Variants in DGKI observed in about 807,000 individuals in gnomAD.
DGKI encodes the protein diacylglycerol kinase iota.
Under a neutral mutation model 147.5 loss-of-function variants are expected in DGKI, and 55 were observed. That is an observed-to-expected ratio of 0.37 (90% CI 0.30 to 0.47). The LOEUF (loss-of-function observed/expected upper bound fraction) is 0.47, where lower values mean the gene tolerates loss of function less well. DGKI is among the 20% of genes least tolerant of loss of function. The pLI, the probability that DGKI is intolerant of heterozygous loss-of-function variation, is 1.00. For synonymous variants in DGKI, 469 were observed against 477.1 expected, an observed-to-expected ratio of 0.98 and a Z score of 0.22; for missense variants, 1,007 against 1,323.8, an observed-to-expected ratio of 0.76 and a Z score of 3.71.
At chr7:137,686,198 G>A (rs1324107144) in intron 2 of DGKI, among the ~76,000 whole-genome samples, 1 of 152,162 alleles carries the variant, frequency 6.6e-6, no homozygotes, top group Non-Finnish European at 1.5e-5. Flanking sequence ...GTGTTGTGAG[G>A]ATACAAAGCA....
At chr7:137,799,921 T>C (rs974909264) in intron 1 of DGKI, among the ~76,000 whole-genome samples, 1 of 152,236 alleles carries the variant, frequency 6.6e-6, no homozygotes, top group African/African-American at 2.4e-5. Context: ...AGTTCTATGC[T>C]AACTTTAAGT....
intron 7 of DGKI, among the ~76,000 whole-genome samples, chr7:137,622,638 G>A (rs1163261127): frequency 6.6e-6 from 1 of 152,080 alleles, no homozygotes; most frequent in East Asian, 1.9e-4. Context: ...ATAAATAACT[G>A]GGCATGGCTG....
intron 23 of DGKI, among the ~76,000 whole-genome samples, chr7:137,477,428 A>C (rs936481006): frequency 1.4e-4 from 22 of 152,270 alleles, no homozygotes; most frequent in African/African-American, 5.3e-4. Flanking sequence ...CATAAAGTTT[A>C]TTGGAATTTT....
intron 1 of DGKI, among the ~76,000 whole-genome samples, chr7:137,779,457 C>G (rs748082226): frequency 6.6e-6 from 1 of 152,074 alleles, no homozygotes; most frequent in Non-Finnish European, 1.5e-5. Context: ...GGACATAGAA[C>G]ATAATATCAT....
At chr7:137,432,851 G>A (rs57915575) in intron 28 of DGKI, among the ~76,000 whole-genome samples, 2,753 of 152,274 alleles carry the variant, frequency 0.018, 84 homozygotes, top group African/African-American at 0.063. Context: ...AGGCCAAAGG[G>A]ATGTAGTTTT....
At chr7:137,540,552 C>A (rs530837635) in intron 20 of DGKI, among the ~76,000 whole-genome samples, 1 of 151,742 alleles carries the variant, frequency 6.6e-6, no homozygotes, top group African/African-American at 2.4e-5. Context: ...AGGCATGGTA[C>A]CATGTGCCTG....
rs148600355 is a variant in DGKI at position 137,675,898 on chromosome 7, A to G, written c.606+2659T>C. On this transcript the variant is annotated intron_variant, in intron 3 of 32. Transcript: ENST00000614521. The stretch of plus-strand genomic sequence containing the variant: ...AGCAAGTCACTTCTCTTTTCTTCAA[A>G]TTAACTCTTCAAATACTGGAAGACA... Among the ~76,000 whole-genome samples, 1,319 of 152,252 alleles carry G rather than the reference A, an allele frequency of 8.7e-3. 25 individuals carry two copies. The highest frequency in any genetic ancestry group is 0.03 in the African/African-American group (1,251 of 41,522).
intron 21 of DGKI, among the ~76,000 whole-genome samples, chr7:137,509,176 C>T (rs947013798): frequency 6.6e-6 from 1 of 152,230 alleles, no homozygotes; most frequent in Non-Finnish European, 1.5e-5. Flanking sequence ...AACCTCCCCA[C>T]AACATCCTCC....
rs545125787 is a variant in DGKI, at chr7:137,480,545, G to C, written c.2373+4829C>G. Among the ~76,000 whole-genome samples, 9 of 151,478 alleles carry C rather than the reference G, an allele frequency of 5.9e-5. No individual in the cohort carries two copies. In the East Asian group the frequency reaches 1.6e-3, roughly 26 times the overall value. ...AGAAGAGCAGGCATGTAGGAACAAA[G>C]GACATCAGAGGAGGAACAAGTAATG... On this transcript the variant is annotated intron_variant, in intron 23 of 32. Coordinates refer to ENST00000614521, the MANE Select transcript of DGKI (RefSeq NM_001321708.2).
intron 20 of DGKI, among the ~76,000 whole-genome samples, chr7:137,547,357 T>C (rs75602706): frequency 0.022 from 3,378 of 152,280 alleles, 146 homozygotes; most frequent in East Asian, 0.11. Flanking sequence ...CAAGAAATAT[T>C]TTTTAGAAAA....
intron 5 of DGKI, 63 bp downstream of exon 5, chr7:137,654,669 T>C: frequency 8.7e-7 from 1 of 1,154,552 alleles, no homozygotes; most frequent in Admixed American, 1.8e-5. Context: ...TGAATATCTA[T>C]GAATCCACTG....
chr7:137,427,682 G>T (rs912392778), intron 28 of DGKI, among the ~76,000 whole-genome samples: 3 of 151,146 alleles, frequency 2.0e-5, no homozygotes, highest in Admixed American at 6.6e-5. Context: ...AAAGAGAGAA[G>T]AATCAAATAG....
At chr7:137,572,046 T>C (rs573218906) in intron 18 of DGKI, among the ~76,000 whole-genome samples, 1 of 152,354 alleles carries the variant, frequency 6.6e-6, no homozygotes, top group Non-Finnish European at 1.5e-5. Flanking sequence ...CTATGATGTG[T>C]TTTCCTAGCC....
At chr7:137,765,129 G>A (rs757971636) in intron 1 of DGKI, among the ~76,000 whole-genome samples, 2 of 152,144 alleles carry the variant, frequency 1.3e-5, no homozygotes, top group Admixed American at 6.5e-5. Context: ...GAAGAGGGGT[G>A]TTACTTCCTG....
At chr7:137,622,596 C>T (rs1345493550) in intron 7 of DGKI, among the ~76,000 whole-genome samples, 2 of 151,952 alleles carry the variant, frequency 1.3e-5, no homozygotes, top group African/African-American at 4.8e-5. Context: ...ATAGACAATA[C>T]ATAAATGAAA....
intron 1 of DGKI, among the ~76,000 whole-genome samples, chr7:137,783,361 A>T (rs1796577564): frequency 6.6e-6 from 1 of 152,376 alleles, no homozygotes; most frequent in East Asian, 1.9e-4. Flanking sequence ...AGAATCAAAC[A>T]AACAGAAGGA....
At chr7:137,554,200 G>A (rs755021369) in intron 19 of DGKI, among the ~76,000 whole-genome samples, 10 of 152,054 alleles carry the variant, frequency 6.6e-5, no homozygotes, top group Admixed American at 2.0e-4. Context: ...TTGTTAGCAC[G>A]GTCACATTAA....
chr7:137,433,205 GGCAAACAAAAAT>G (rs1813148025), intron 28 of DGKI, among the ~76,000 whole-genome samples: 1 of 152,008 alleles, frequency 6.6e-6, no homozygotes, highest in African/African-American at 2.4e-5. Context: ...TGACAGGTTG[GGCAAACAAAAAT>G]GCAAACAAAA....
At chr7:137,549,778 G>A (rs1012664422) in intron 20 of DGKI, among the ~76,000 whole-genome samples, 6 of 152,182 alleles carry the variant, frequency 3.9e-5, no homozygotes, top group African/African-American at 7.2e-5. Context: ...TCTAGTGGAA[G>A]ACCTTAGATT....
Sources: allele counts gnomAD v4.1 joint callset (sites outside exome capture counted in the v4.1 genomes callset), GRCh38; gene constraint gnomAD v4.1.1; transcripts MANE v1.5; gene names NCBI Gene and HGNC (gene_info 2026-07-23, HGNC 2026-07-21).